FBRSL1: variants seen among roughly 807,000 people sequenced by gnomAD.
FBRSL1 encodes fibrosin like 1, also known as fibrosin-1-like protein.
In FBRSL1, 51 loss-of-function variants were observed where a neutral mutation model predicts 89.6. The observed-to-expected ratio is 0.57, with a 90% confidence interval of 0.45 to 0.72. The LOEUF (loss-of-function observed/expected upper bound fraction) is 0.72. Ranked by LOEUF, FBRSL1 falls within the 30% of genes least tolerant of loss-of-function variation. The probability of loss-of-function intolerance (pLI) is 0.00; values close to 1 mark genes in which losing one functional copy is unlikely to be tolerated. For synonymous variants in FBRSL1, 779 were observed against 681.1 expected, an observed-to-expected ratio of 1.14 and a Z score of -2.24; for missense variants, 1,618 against 1,451.8, an observed-to-expected ratio of 1.11 and a Z score of -1.86.
intron 5 of FBRSL1, among the ~76,000 whole-genome samples, chr12:132,549,523 T>C (rs992263916): frequency 3.3e-5 from 5 of 152,160 alleles, no homozygotes; most frequent in Admixed American, 6.5e-5. Flanking sequence ...CCCCACCTCC[T>C]TTCATTTAAA....
In FBRSL1 at chr12:132,511,323, C is replaced by T. The variant is rs576626586; in HGVS notation, c.489+2973C>T. ...CCGGCTTCCCCACAGTCCCCTGCAG[C>T]GTCCCGTCTGGCTGTTGACCTACAT... On this transcript the variant is annotated intron_variant, in intron 2 of 18. Coordinates refer to ENST00000680143, the MANE Select transcript of FBRSL1 (RefSeq NM_001367871.1). The T allele has an allele frequency of 1.9e-5, 19 of 985,592 alleles. No individual in the cohort carries two copies. The African/African-American group carries it at 2.1e-4, about 11-fold the overall frequency. The allele number at this position is 985,592 out of a possible 1,614,324, so 61.1% of individuals were successfully genotyped here.
intron 15 of FBRSL1, among the ~76,000 whole-genome samples, chr12:132,578,962 T>A (rs2138087993): frequency 6.6e-6 from 1 of 152,386 alleles, no homozygotes; most frequent in Admixed American, 6.5e-5. Context: ...GTCCGCATCC[T>A]GGCTCAAGCC....
At chr12:132,512,728 T>G (rs1035226535) in intron 2 of FBRSL1, among the ~76,000 whole-genome samples, 4 of 152,222 alleles carry the variant, frequency 2.6e-5, no homozygotes, top group African/African-American at 9.6e-5. Context: ...CCATCCATGC[T>G]GGAGCTGAGC....
chr12:132,507,175 G>A (rs1200441625), intron 1 of FBRSL1: 12 of 985,424 alleles, frequency 1.2e-5, no homozygotes, highest in African/African-American at 1.7e-5. Flanking sequence ...ATCCTCCCCA[G>A]TGGCTTCCCA....
chr12:132,578,996 C>T (rs1021652834), intron 15 of FBRSL1, among the ~76,000 whole-genome samples: 2 of 152,166 alleles, frequency 1.3e-5, no homozygotes, highest in Non-Finnish European at 2.9e-5. Flanking sequence ...CTCAGTGTGG[C>T]GCCCAGTTCT....
intron 2 of FBRSL1, among the ~76,000 whole-genome samples, chr12:132,512,855 G>A (rs776020876): frequency 6.6e-6 from 1 of 152,210 alleles, no homozygotes; most frequent in Admixed American, 6.5e-5. Context: ...GAGGACACCC[G>A]TGGAGGAAAC....
intron 16 of FBRSL1, 106 bp downstream of exon 16, chr12:132,581,622 C>T (rs1426755829): frequency 6.7e-7 from 1 of 1,488,942 alleles, no homozygotes; most frequent in South Asian, 1.2e-5. Flanking sequence ...CAGGGAGCCC[C>T]TTGGGTCATG....
At position 132,582,883 on chromosome 12, in the gene FBRSL1, C is replaced by A. The variant is rs934798402; in HGVS notation, c.2202-88C>A. The A allele has an allele frequency of 7.3e-5, 81 of 1,115,986 alleles. No homozygotes were observed. In the East Asian group the frequency reaches 2.7e-3, roughly 38 times the overall value. 69.1% of individuals were successfully genotyped at this position (1,115,986 alleles called of 1,614,324 possible). ...TCACCGGCCACCCAGAAACTGGAGG[C>A]CCCGACAAGCAACGGGAACATCCCG... On this transcript the variant is annotated intron_variant, in intron 18 of 18. Coordinates refer to ENST00000680143, the MANE Select transcript of FBRSL1 (RefSeq NM_001367871.1).
chr12:132,575,385 A>G (rs1015346966), intron 14 of FBRSL1, among the ~76,000 whole-genome samples: 2 of 152,036 alleles, frequency 1.3e-5, no homozygotes, highest in African/African-American at 2.4e-5. Context: ...CCGTCACCAC[A>G]CCCGGCTAAT....
intron 5 of FBRSL1, among the ~76,000 whole-genome samples, chr12:132,559,333 C>T (rs997237462): frequency 1.3e-5 from 2 of 152,202 alleles, no homozygotes; most frequent in Non-Finnish European, 2.9e-5. Flanking sequence ...TTGCAGCGGA[C>T]GGGTGGGGGA....
At chr12:132,508,430 C>A in intron 2 of FBRSL1, 80 bp downstream of exon 2, 1 of 1,344,608 alleles carries the variant, frequency 7.4e-7, no homozygotes, top group Non-Finnish European at 9.8e-7. Flanking sequence ...CACCTGGACA[C>A]CACGCCACGT....
chr12:132,576,208 C>CTTTTTTTTTTTTTTTTTTTTTTT (rs66466623), intron 14 of FBRSL1, among the ~76,000 whole-genome samples: 2 of 146,706 alleles, frequency 1.4e-5, no homozygotes, highest in African/African-American at 5.1e-5. Flanking sequence ...TTTTTTTTTT[C>CTTTTTTTTTTTTTTTTTTTTTTT]TTGAGATAGA....
At position 132,574,626 on chromosome 12, in the gene FBRSL1, G is replaced by A. The variant is rs2040259756; in HGVS notation, c.1701+62G>A. 19 of 1,522,168 alleles carry A rather than the reference G, an allele frequency of 1.2e-5. No individual in the cohort carries two copies. In the South Asian group the frequency reaches 2.3e-4, roughly 18 times the overall value. The allele number at this position is 1,522,168 out of a possible 1,614,324, so 94.3% of individuals were successfully genotyped here. On this transcript the variant is annotated intron_variant, in intron 14 of 18. Coordinates refer to ENST00000680143, the MANE Select transcript of FBRSL1 (RefSeq NM_001367871.1). ...CCCGACTCCAGCCTGGTCGGGCCCT[G>A]AAGGCCAGGCATGAGGCTGTGTGTG...
intron 5 of FBRSL1, chr12:132,554,481 C>G (rs1187765041): frequency 1.3e-5 from 2 of 152,220 alleles, no homozygotes; most frequent in Admixed American, 1.3e-4. Context: ...ATAAATGTAA[C>G]TTAATTGATG....
intron 2 of FBRSL1, among the ~76,000 whole-genome samples, chr12:132,513,456 C>A (rs1394742846): frequency 6.6e-6 from 1 of 152,074 alleles, no homozygotes; most frequent in Non-Finnish European, 1.5e-5. Context: ...GGAGGCTGCC[C>A]GCTGCCCGAC....
chr12:132,570,941 G>A (rs572386567), intron 8 of FBRSL1, 127 bp from the exon 9 acceptor site: 1 of 591,410 alleles, frequency 1.7e-6, no homozygotes, highest in Admixed American at 6.3e-5. Flanking sequence ...GCTTCCTGAG[G>A]CTCCGAGTCA....
At position 132,583,361 on chromosome 12, in the gene FBRSL1, CT is replaced by C. The variant is rs1367038847; in HGVS notation, c.2594del (p.Phe865SerfsTer96). On this transcript the variant is annotated frameshift_variant, in exon 19 of 19. Coordinates refer to ENST00000680143, the MANE Select transcript of FBRSL1 (RefSeq NM_001367871.1). LOFTEE classifies it high-confidence loss of function. Reference protein sequence around the residue: ...FRGLELPRRAFPAAAPAPGSA... With the variant: ...FRGLELPRRAXPAAAPAPGSA... ...GCGGCCTGGAGCTGCCACGTCGCGCCTTCCCCGCTGCCGCCCCCGCCCCGGG... is the reference window on the plus strand; with the variant it reads ...GCGGCCTGGAGCTGCCACGTCGCGCCTCCCCGCTGCCGCCCCCGCCCCGGG... 3 of 1,130,434 alleles carry C rather than the reference CT, an allele frequency of 2.7e-6. No homozygotes were observed. The highest frequency in any genetic ancestry group is 3.3e-6 in the Non-Finnish European group (3 of 920,938). The allele number at this position is 1,130,434 out of a possible 1,614,324, so 70.0% of individuals were successfully genotyped here.
chr12:132,517,545 G>A (rs991696375), intron 2 of FBRSL1, among the ~76,000 whole-genome samples: 1 of 152,224 alleles, frequency 6.6e-6, no homozygotes, highest in Admixed American at 6.5e-5. Context: ...AACTATAACT[G>A]GGACAACAGC....
In FBRSL1 at chr12:132,572,230, G is replaced by A. The variant is rs373948910; in HGVS notation, c.1378-58G>A. 8.7e-4 allele frequency: 1,301 copies of A among 1,495,860 alleles called. 2 individuals carry two copies. Among genetic ancestry groups the A allele is most frequent in the Non-Finnish European group, 1.1e-3 (1,188 of 1,100,112 alleles). The allele number at this position is 1,495,860 out of a possible 1,614,324, so 92.7% of individuals were successfully genotyped here. A position where few individuals can be genotyped will look rare whatever the true frequency, so the allele number is the denominator to read the frequency against. ...CAGCCCGGCCAGGTGGGCGGGGCCC[G>A]GGGCCCAGCAACGGTGTCGTGTGTG... is the stretch of plus-strand genomic sequence containing the variant. On this transcript the variant is annotated intron_variant, in intron 9 of 18. Coordinates refer to ENST00000680143, the MANE Select transcript of FBRSL1 (RefSeq NM_001367871.1).
Sources: allele counts gnomAD v4.1 joint callset (sites outside exome capture counted in the v4.1 genomes callset), GRCh38; gene constraint gnomAD v4.1.1; transcripts MANE v1.5; gene names NCBI Gene and HGNC (gene_info 2026-07-23, HGNC 2026-07-21).